Variants in CAMK2B observed in about 807,000 individuals in gnomAD.
The protein encoded by CAMK2B is calcium/calmodulin-dependent protein kinase type II subunit beta.
CAMK2B carries 27 observed loss-of-function variants against 93.7 expected under a neutral mutation model. The observed-to-expected ratio is 0.29, with a 90% CI of 0.21 to 0.40. The LOEUF is 0.40. Among genes scored for constraint, CAMK2B ranks in the 10% least tolerant of loss-of-function variants. CAMK2B has a pLI of 1.00. For missense variants in CAMK2B, 568 were observed against 895.8 expected (o/e 0.63, Z 4.67); for synonymous variants, 374 against 358.8 (o/e 1.04, Z -0.48).
chr7:44,316,224 A>G (rs895452475), intron 1 of CAMK2B, among the ~76,000 whole-genome samples: 1 of 152,102 alleles, frequency 6.6e-6, no homozygotes, highest in Non-Finnish European at 1.5e-5. Context: ...TTGAGTTTTT[A>G]TCATGAAATG....
chr7:44,299,443 G>A (rs927417035), intron 1 of CAMK2B, among the ~76,000 whole-genome samples: 8 of 152,170 alleles, frequency 5.3e-5, no homozygotes, highest in East Asian at 1.9e-4. Flanking sequence ...AAAAAATTTC[G>A]GACAATGATG....
intron 3 of CAMK2B, among the ~76,000 whole-genome samples, chr7:44,261,084 C>G (rs2096875487): frequency 6.6e-6 from 1 of 152,322 alleles, no homozygotes; most frequent in East Asian, 1.9e-4. Context: ...TCCCCTGGAC[C>G]CTCTCTTCAC....
chr7:44,235,643 GACTCACAGGTCACCAGTCCTGGAC>G (rs1207679256), intron 13 of CAMK2B, among the ~76,000 whole-genome samples: 1 of 152,224 alleles, frequency 6.6e-6, no homozygotes, highest in Non-Finnish European at 1.5e-5. Flanking sequence ...GCGGGCCCAG[GACTCACAGGTCACCAGTCCTGGAC>G]CACGCTCACC....
rs749089771 is a variant in CAMK2B, at chr7:44,242,350, G to A, written c.697-10C>T. ...ACTCAGGGGACGGGAACTGCAGAAG[G>A]AAACAGCGCCCCGGCCGGGCCTGAA... On this transcript the variant is annotated splice_polypyrimidine_tract_variant and intron_variant, in intron 9 of 23. Transcript: ENST00000395749. 8 of 1,611,414 alleles carry A rather than the reference G, an allele frequency of 5.0e-6. No homozygotes were observed. The South Asian group carries it at 8.8e-5, about 18-fold the overall frequency.
intron 19 of CAMK2B, among the ~76,000 whole-genome samples, chr7:44,228,533 G>A (rs1403953967): frequency 6.6e-6 from 1 of 152,134 alleles, no homozygotes; most frequent in African/African-American, 2.4e-5. Context: ...ATTTTGGAGA[G>A]GGGCCTGGGG....
rs372893876 is a variant in CAMK2B at position 44,313,364 on chromosome 7, C to T, written c.65+11993G>A. 2.3e-4 allele frequency among the ~76,000 whole-genome samples: 35 copies of T among 152,080 alleles called. 1 individual carries two copies. The East Asian group carries it at 3.1e-3, about 14-fold the overall frequency. On this transcript the variant is annotated intron_variant, in intron 1 of 23. Transcript: ENST00000395749. ...TCTGAGGAAGGAAAAAGGGCACAGG[C>T]GGAGGGCACCCCTGAGGCCCACCTC...
intron 1 of CAMK2B, among the ~76,000 whole-genome samples, chr7:44,288,773 A>G (rs1785853025): frequency 6.6e-6 from 1 of 152,124 alleles, no homozygotes; most frequent in Admixed American, 6.5e-5. Context: ...GTGGGAATGG[A>G]GGCCCGGAAC....
At chr7:44,233,977 C>T (rs574049873) in intron 15 of CAMK2B, among the ~76,000 whole-genome samples, 4 of 152,248 alleles carry the variant, frequency 2.6e-5, no homozygotes, top group South Asian at 2.1e-4. Flanking sequence ...GCCAGACCTT[C>T]GGAGTGGTCT....
intron 5 of CAMK2B, 128 bp from the exon 6 acceptor site, chr7:44,247,320 G>A: frequency 2.6e-6 from 2 of 770,176 alleles, no homozygotes; most frequent in Non-Finnish European, 2.3e-6. Flanking sequence ...CAAGGTGAGA[G>A]GAGATGCTGG....
intron 13 of CAMK2B, among the ~76,000 whole-genome samples, chr7:44,238,351 G>A (rs1422186226): frequency 6.6e-6 from 1 of 152,206 alleles, no homozygotes; most frequent in East Asian, 1.9e-4. Context: ...CCCGGGCACA[G>A]GGCAGCGTAG....
chr7:44,243,456 G>T lies in CAMK2B; in HGVS notation c.486C>A (p.Ile162=). 1.2e-6 allele frequency: 2 copies of T among 1,614,016 alleles called. No individual in the cohort carries two copies. Among genetic ancestry groups the T allele is most frequent in the Non-Finnish European group, 1.7e-6 (2 of 1,179,992 alleles). The part of the protein sequence containing the change: ...AVKLADFGLA[I]EVQGDQQAWF... ...ATGCCTGCTGGTCCCCCTGCACCTC[G>T]ATAGCTAGGCCGAAGTCTGCCAGCT... The change falls in exon 7 of 24, where the codon ATC becomes ATA. Residue 162 remains isoleucine, a synonymous_variant. Transcript: ENST00000395749.
intron 11 of CAMK2B, 23 bp downstream of exon 11, chr7:44,241,677 G>T (rs2096680357): frequency 6.3e-7 from 1 of 1,592,650 alleles, no homozygotes. Flanking sequence ...GGCCGTGCCT[G>T]GGACTAGGGG....
chr7:44,237,037 C>T (rs1165994433), intron 13 of CAMK2B, among the ~76,000 whole-genome samples: 2 of 152,252 alleles, frequency 1.3e-5, no homozygotes, highest in African/African-American at 2.4e-5. Context: ...TTCCACCCCA[C>T]CCCCGAGGGG....
intron 6 of CAMK2B, among the ~76,000 whole-genome samples, chr7:44,246,629 G>A (rs549026180): frequency 5.3e-5 from 8 of 150,402 alleles, no homozygotes; most frequent in South Asian, 4.2e-4. Context: ...ACACAGACAC[G>A]CCACCACTCA....
chr7:44,309,105 A>T (rs1792769542), intron 1 of CAMK2B, among the ~76,000 whole-genome samples: 1 of 152,138 alleles, frequency 6.6e-6, no homozygotes, highest in Admixed American at 6.5e-5. Flanking sequence ...GGATTCCACA[A>T]ACCACTGCGA....
intron 1 of CAMK2B, among the ~76,000 whole-genome samples, chr7:44,310,070 C>T (rs1323619841): frequency 1.3e-5 from 2 of 152,234 alleles, no homozygotes; most frequent in Non-Finnish European, 2.9e-5. Flanking sequence ...TGGCCGAGAC[C>T]GGGCGGGGGC....
At chr7:44,300,100 T>C (rs977848045) in intron 1 of CAMK2B, among the ~76,000 whole-genome samples, 4 of 151,590 alleles carry the variant, frequency 2.6e-5, no homozygotes, top group African/African-American at 4.9e-5. Context: ...TCACCCAGGC[T>C]GGAATGCAGT....
Position 44,279,263 on chromosome 7 carries a change from A to C in CAMK2B, c.160+4868T>G, listed in dbSNP as rs529311494. On this transcript the variant is annotated intron_variant, in intron 2 of 23. Coordinates refer to ENST00000395749, the MANE Select transcript of CAMK2B (RefSeq NM_001220.5). ...ACTGGCTAAGAATTGATAACTGTTG[A>C]AGCTGGGTTCGTTCTATCATTTTCT... Among the ~76,000 whole-genome samples, 11 of 152,306 alleles carry C rather than the reference A, an allele frequency of 7.2e-5. No homozygotes were observed. The South Asian group carries it at 2.3e-3, about 32-fold the overall frequency.
rs1164834609 is a variant in CAMK2B at position 44,224,998 on chromosome 7, A to G, written c.1597+1518T>C. 1.3e-5 allele frequency among the ~76,000 whole-genome samples: 2 copies of G among 151,486 alleles called. No homozygotes were observed. Among genetic ancestry groups the G allele is most frequent in the African/African-American group, 4.9e-5 (2 of 41,216 alleles). On this transcript the variant is annotated intron_variant, in intron 20 of 23. Coordinates refer to ENST00000395749, the MANE Select transcript of CAMK2B (RefSeq NM_001220.5). The surrounding 1 kb of genome is among the most constrained non-coding windows in gnomAD (Gnocchi z 4.4). Reference sequence around the variant, plus strand: ...TCCCAGGAGGGCCACACGAATCTCCATCCTGCCCTGCTCACAGCTCCTTCC... The same window carrying G: ...TCCCAGGAGGGCCACACGAATCTCCGTCCTGCCCTGCTCACAGCTCCTTCC...
Sources: gnomAD v4.1 joint callset for allele counts (sites outside exome capture counted in the v4.1 genomes callset) on GRCh38, gnomAD v4.1.1 for gene constraint, Gnocchi (gnomAD v3.1) non-coding constraint, MANE v1.5 for transcripts, NCBI Gene and HGNC (gene_info 2026-07-23, HGNC 2026-07-21) for gene names.